Variants in CEP170 observed in about 807,000 individuals in gnomAD.
The protein encoded by CEP170 is centrosomal protein of 170 kDa.
CEP170 carries 21 observed loss-of-function variants against 151.9 expected under a neutral mutation model. That is an observed-to-expected ratio of 0.14 (90% confidence interval 0.10 to 0.20). The LOEUF is 0.20. CEP170 is among the 10% of genes least tolerant of loss of function. CEP170 has a pLI of 1.00. For synonymous variants in CEP170, 356 were observed against 648.8 expected, an observed-to-expected ratio of 0.55 and a Z score of 6.86; for missense variants, 964 against 1,892.9, an observed-to-expected ratio of 0.51 and a Z score of 9.11.
intron 4 of CEP170, among the ~76,000 whole-genome samples, chr1:243,201,695 G>C (rs2061046167): frequency 6.6e-6 from 1 of 152,100 alleles, no homozygotes. Flanking sequence ...AAACTTGTGA[G>C]TATTTATTCT....
At chr1:243,176,984 T>C (rs528897325) in intron 10 of CEP170, among the ~76,000 whole-genome samples, 2 of 152,368 alleles carry the variant, frequency 1.3e-5, no homozygotes, top group African/African-American at 4.8e-5. Flanking sequence ...TTTTTTTCAC[T>C]AGCATATTAT....
intron 13 of CEP170, among the ~76,000 whole-genome samples, chr1:243,162,807 G>A (rs2058166859): frequency 6.6e-6 from 1 of 152,164 alleles, no homozygotes; most frequent in Non-Finnish European, 1.5e-5. Flanking sequence ...ATTTCATCAG[G>A]AAATGCAGCA....
intron 14 of CEP170, among the ~76,000 whole-genome samples, chr1:243,144,453 T>C (rs948570711): frequency 1.1e-4 from 17 of 152,228 alleles, no homozygotes; most frequent in Non-Finnish European, 1.9e-4. Context: ...TGTGATTCTT[T>C]TGAAATGTGT....
chr1:243,225,867 G>A (rs1162246019), intron 1 of CEP170, among the ~76,000 whole-genome samples: 4 of 151,306 alleles, frequency 2.6e-5, no homozygotes, highest in East Asian at 1.9e-4. Flanking sequence ...GTCTTAATAC[G>A]TTTTCCTAGA....
At chr1:243,226,063 A>ATTTATATATATATCTAGATATATT (rs201542277) in intron 1 of CEP170, among the ~76,000 whole-genome samples, 2 of 138,148 alleles carry the variant, frequency 1.4e-5, no homozygotes, top group African/African-American at 2.8e-5. Context: ...ATCTAGATAT[A>ATTTATATATATATCTAGATATATT]TATATCTATA....
At chr1:243,205,140 A>G (rs1376351134) in intron 4 of CEP170, among the ~76,000 whole-genome samples, 1 of 152,212 alleles carries the variant, frequency 6.6e-6, no homozygotes, top group Non-Finnish European at 1.5e-5. Context: ...CAAGAGTCCA[A>G]GCAAATCAAC....
At chr1:243,136,769 G>C (rs1241143223) in intron 16 of CEP170, among the ~76,000 whole-genome samples, 3 of 151,994 alleles carry the variant, frequency 2.0e-5, no homozygotes, top group Non-Finnish European at 4.4e-5. Flanking sequence ...GGCAAAACCA[G>C]GGGTCACCAA....
rs556637840 is a variant in CEP170 at position 243,154,760 on chromosome 1, T to C, written c.3911+1461A>G. ...AAGTGAAAATACAGTGTATAGCCCT[T>C]ATTCCCTCTTCTCTTTGTATTACAA... is the stretch of plus-strand genomic sequence containing the variant. On this transcript the variant is annotated intron_variant, in intron 14 of 19. Transcript: ENST00000366542. 2.0e-5 allele frequency among the ~76,000 whole-genome samples: 3 copies of C among 152,328 alleles called. No individual in the cohort carries two copies. The East Asian group carries it at 5.8e-4, about 29-fold the overall frequency.
intron 3 of CEP170, among the ~76,000 whole-genome samples, chr1:243,214,609 TGACCA>T (rs2062112747): frequency 6.6e-6 from 1 of 152,032 alleles, no homozygotes; most frequent in Non-Finnish European, 1.5e-5. Flanking sequence ...CACTGTGTTT[TGACCA>T]TGCAAGAACA....
intron 17 of CEP170, among the ~76,000 whole-genome samples, chr1:243,135,346 A>C (rs1317442269): frequency 2.0e-5 from 3 of 152,172 alleles, no homozygotes; most frequent in African/African-American, 7.2e-5. Flanking sequence ...AACTGGGACT[A>C]CAGGCGCCCG....
At chr1:243,226,044 GAT>G (rs1234215797) in intron 1 of CEP170, among the ~76,000 whole-genome samples, 2 of 42,424 alleles carry the variant, frequency 4.7e-5, no homozygotes, top group South Asian at 1.7e-3. Context: ...TCTATCTCTA[GAT>G]ATATATATCT....
chr1:243,178,957 A>G (rs1326069905), intron 10 of CEP170, among the ~76,000 whole-genome samples: 2 of 151,992 alleles, frequency 1.3e-5, no homozygotes, highest in African/African-American at 2.4e-5. Context: ...TGACCTCGTG[A>G]TCACCCGCCT....
Position 243,128,315 on chromosome 1 carries a change from A to G in CEP170, c.4414-15T>C, listed in dbSNP as rs1420825271. 7.0e-6 allele frequency: 11 copies of G among 1,568,198 alleles called. No individual in the cohort carries two copies. The highest frequency in any genetic ancestry group is 2.8e-5 in the African/African-American group (2 of 72,448). ...GAAGAAATCTCCTGCAGGGAAAGCA[A>G]TAACAAAAATTAGCCTACTTTTAGC... On this transcript the variant is annotated splice_polypyrimidine_tract_variant and intron_variant, in intron 18 of 19. Transcript: ENST00000366542.
chr1:243,217,045 C>T (rs2062363512), intron 3 of CEP170, among the ~76,000 whole-genome samples: 1 of 152,180 alleles, frequency 6.6e-6, no homozygotes, highest in East Asian at 1.9e-4. Flanking sequence ...TAGCCTACTA[C>T]ACACCCAGGC....
chr1:243,189,333 G>A (rs1445227178), intron 8 of CEP170, among the ~76,000 whole-genome samples: 1 of 152,038 alleles, frequency 6.6e-6, no homozygotes, highest in African/African-American at 2.4e-5. Flanking sequence ...AAGGTGGGTG[G>A]ATCACGAGGT....
chr1:243,166,184 T>G, intron 12 of CEP170, 68 bp from the exon 13 acceptor site: 1 of 1,542,060 alleles, frequency 6.5e-7, no homozygotes, highest in Non-Finnish European at 8.7e-7. Context: ...AGGAGCATCA[T>G]ACAGTTGTCT....
intron 3 of CEP170, among the ~76,000 whole-genome samples, chr1:243,219,868 G>A (rs1255261772): frequency 2.0e-5 from 3 of 152,194 alleles, no homozygotes; most frequent in Non-Finnish European, 4.4e-5. Context: ...GAAGCAGAAG[G>A]CACATGAACT....
chr1:243,221,707 A>G lies in CEP170; in HGVS notation c.195+17T>C. ...AACAAATGTTCAAACAAGACAAAAAATAAACCATTGACTTACCCCATTGAG... is the reference window on the plus strand; with the variant it reads ...AACAAATGTTCAAACAAGACAAAAAGTAAACCATTGACTTACCCCATTGAG... On this transcript the variant is annotated intron_variant, in intron 3 of 19. Coordinates refer to ENST00000366542, the MANE Select transcript of CEP170 (RefSeq NM_014812.3). 6.3e-7 allele frequency: 1 copy of G among 1,595,372 alleles called. No individual in the cohort carries two copies. The highest frequency in any genetic ancestry group is 8.5e-7 in the Non-Finnish European group (1 of 1,172,916).
At chr1:243,211,379 T>C (rs2061792020) in intron 4 of CEP170, 1 of 152,742 alleles carries the variant, frequency 6.5e-6, no homozygotes, top group Non-Finnish European at 1.5e-5. Context: ...TCAGAGAGCG[T>C]AGGTCTTAGA....
Sources: allele counts gnomAD v4.1 joint callset (sites outside exome capture counted in the v4.1 genomes callset), GRCh38; gene constraint gnomAD v4.1.1; transcripts MANE v1.5; gene names NCBI Gene and HGNC (gene_info 2026-07-23, HGNC 2026-07-21).